Variants in TTC7B observed in about 807,000 individuals in gnomAD.
TTC7B encodes tetratricopeptide repeat protein 7B.
In TTC7B, 28 loss-of-function variants were observed where a neutral mutation model predicts 106.8. The ratio of observed to expected loss-of-function variants is 0.26; its 90% CI spans 0.19 to 0.36. The LOEUF is 0.36. TTC7B is among the 10% of genes least tolerant of loss of function. TTC7B has a pLI of 1.00. For missense variants in TTC7B, 862 were observed against 1,076.4 expected, an observed-to-expected ratio of 0.80 and a Z score of 2.79; for synonymous variants, 405 against 430.6, an observed-to-expected ratio of 0.94 and a Z score of 0.74.
chr14:90,641,973 G>A (rs1284618231), intron 15 of TTC7B, among the ~76,000 whole-genome samples: 2 of 151,890 alleles, frequency 1.3e-5, no homozygotes, highest in Middle Eastern at 3.4e-3. Flanking sequence ...TGGAGGGTGA[G>A]ACACGGAATG....
At chr14:90,674,152 G>A (rs765784355) in intron 9 of TTC7B, among the ~76,000 whole-genome samples, 20 of 152,066 alleles carry the variant, frequency 1.3e-4, no homozygotes, top group Admixed American at 3.3e-4. Context: ...AAAATGGAAA[G>A]GCAGATGAGG....
chr14:90,777,840 C>T (rs553314893), intron 3 of TTC7B, among the ~76,000 whole-genome samples: 1 of 152,352 alleles, frequency 6.6e-6, no homozygotes, highest in East Asian at 1.9e-4. Flanking sequence ...TCTAGTCCCT[C>T]AGGGCCCACC....
intron 15 of TTC7B, among the ~76,000 whole-genome samples, chr14:90,634,493 C>T (rs546052526): frequency 2.6e-5 from 4 of 151,624 alleles, no homozygotes; most frequent in East Asian, 1.9e-4. Flanking sequence ...AGAGGGAGGC[C>T]GGGTGGGGTG....
At chr14:90,584,093 A>G (rs1243627050) in intron 18 of TTC7B, among the ~76,000 whole-genome samples, 1 of 151,708 alleles carries the variant, frequency 6.6e-6, no homozygotes, top group Non-Finnish European at 1.5e-5. Context: ...AAGTGTGCCA[A>G]CCCTCCTGCA....
chr14:90,799,244 C>A (rs941192003), intron 1 of TTC7B, among the ~76,000 whole-genome samples: 1 of 152,204 alleles, frequency 6.6e-6, no homozygotes, highest in Non-Finnish European at 1.5e-5. Flanking sequence ...CTTTAAGACA[C>A]ATTTCAGGTC....
chr14:90,702,186 CCA>C (rs1397188560), intron 5 of TTC7B, among the ~76,000 whole-genome samples: 6 of 152,176 alleles, frequency 3.9e-5, no homozygotes, highest in African/African-American at 1.2e-4. Flanking sequence ...AGTGCCTGTG[CCA>C]CAGTTTCCTT....
intron 18 of TTC7B, among the ~76,000 whole-genome samples, chr14:90,592,723 G>C (rs1281407593): frequency 6.9e-6 from 1 of 145,164 alleles, no homozygotes; most frequent in African/African-American, 2.5e-5. Context: ...AAAAAAAAAA[G>C]CCTGGACACT....
chr14:90,779,631 A>G (rs966955447), intron 3 of TTC7B, among the ~76,000 whole-genome samples: 1 of 152,188 alleles, frequency 6.6e-6, no homozygotes, highest in African/African-American at 2.4e-5. Flanking sequence ...TTTATGCAGC[A>G]TTTAGAATGT....
intron 6 of TTC7B, 75 bp downstream of exon 6, chr14:90,695,425 G>T: frequency 1.4e-6 from 1 of 732,556 alleles, no homozygotes; most frequent in Non-Finnish European, 2.0e-6. Context: ...ATACATAAAT[G>T]TAAAAAAATA....
intron 7 of TTC7B, among the ~76,000 whole-genome samples, chr14:90,689,203 G>A (rs1037403787): frequency 2.0e-5 from 3 of 152,198 alleles, no homozygotes; most frequent in African/African-American, 7.2e-5. Context: ...TTAGATGTTA[G>A]ATGGCTTACA....
chr14:90,676,486 C>G lies in TTC7B; in HGVS notation c.1152+37G>C, dbSNP rs1431139489. ...CCTGGGGTCACCGTGCAACTGCCAC[C>G]CACCACCTGGATGTCAACCAGACTC... On this transcript the variant is annotated intron_variant, in intron 9 of 19. Coordinates refer to ENST00000328459, the MANE Select transcript of TTC7B (RefSeq NM_001010854.2). The G allele has an allele frequency of 5.0e-6, 8 of 1,606,400 alleles. No homozygotes were observed. In the South Asian group the frequency reaches 7.7e-5, roughly 16 times the overall value.
rs1890356938 is a variant in TTC7B, at chr14:90,757,941, G to T, written c.446-13019C>A. Among the ~76,000 whole-genome samples, 1 of 152,112 alleles carries T rather than the reference G, an allele frequency of 6.6e-6. No homozygotes were observed. The highest frequency in any genetic ancestry group is 2.4e-5 in the African/African-American group (1 of 41,426). ...TTCTCTTTGTAAATACCCACGCATT[G>T]AATGTTTAACGTATTAAATGCTGTC... On this transcript the variant is annotated intron_variant, in intron 3 of 19. Coordinates refer to ENST00000328459, the MANE Select transcript of TTC7B (RefSeq NM_001010854.2). This position sits in a 1 kb window ranked among gnomAD's most constrained non-coding sequence, Gnocchi z 4.1.
At chr14:90,561,360 G>A (rs1212389371) in intron 19 of TTC7B, among the ~76,000 whole-genome samples, 4 of 150,796 alleles carry the variant, frequency 2.7e-5, no homozygotes, top group Non-Finnish European at 5.9e-5. Flanking sequence ...GCATGTCCAA[G>A]ATTCCCTTCA....
At chr14:90,625,263 G>A (rs556022131) in intron 15 of TTC7B, among the ~76,000 whole-genome samples, 3 of 152,322 alleles carry the variant, frequency 2.0e-5, no homozygotes, top group Non-Finnish European at 2.9e-5. Context: ...TGAAACCAGA[G>A]AACTCGGCTG....
rs557971549 is a variant in TTC7B at position 90,721,738 on chromosome 14, G to T, written c.698+8337C>A. 2.6e-5 allele frequency among the ~76,000 whole-genome samples: 4 copies of T among 152,258 alleles called. No homozygotes were observed. In the South Asian group the frequency reaches 8.3e-4, roughly 32 times the overall value. ...GGTCCCAGCTCTGCCCTAGTCAGTT[G>T]TGTGACCCTGAAGAAAATCATATTA... is the stretch of plus-strand genomic sequence containing the variant. On this transcript the variant is annotated intron_variant, in intron 5 of 19. Coordinates refer to ENST00000328459, the MANE Select transcript of TTC7B (RefSeq NM_001010854.2).
At chr14:90,595,161 G>GT (rs1361546802) in intron 17 of TTC7B, among the ~76,000 whole-genome samples, 1 of 151,798 alleles carries the variant, frequency 6.6e-6, no homozygotes, top group Non-Finnish European at 1.5e-5. Flanking sequence ...GTGAAACCCT[G>GT]TCTCTACTAA....
At chr14:90,612,293 C>T (rs17224089) in intron 16 of TTC7B, among the ~76,000 whole-genome samples, 7 of 152,204 alleles carry the variant, frequency 4.6e-5, no homozygotes, top group African/African-American at 1.7e-4. Flanking sequence ...TGCAAATTTT[C>T]ACTCATCACA....
chr14:90,531,917 C>T lies in TTC7B; in HGVS notation c.*9451G>A, dbSNP rs1396761218. The T allele has an allele frequency of 6.6e-6, 1 of 152,246 alleles. No homozygotes were observed. Among genetic ancestry groups the T allele is most frequent in the East Asian group, 1.9e-4 (1 of 5,196 alleles). The allele number at this position is 152,246 out of a possible 1,614,324, so 9.4% of individuals were successfully genotyped here. A position where few individuals can be genotyped will look rare whatever the true frequency, so the allele number is the denominator to read the frequency against. ...GCTACATAGGCCAGGCACACTGACT[C>T]ACACCTGTTATCCCAGACCTTTAAG... On this transcript the variant is annotated 3_prime_UTR_variant, in exon 20 of 20. Transcript: ENST00000328459.
At chr14:90,780,641 C>T in intron 3 of TTC7B, 97 bp downstream of exon 3, 2 of 1,408,244 alleles carry the variant, frequency 1.4e-6, no homozygotes, top group Non-Finnish European at 1.9e-6. Flanking sequence ...CTGCCAGGTT[C>T]ATCACCAGCC....
Sources: gnomAD v4.1 joint callset for allele counts (sites outside exome capture counted in the v4.1 genomes callset) on GRCh38, gnomAD v4.1.1 for gene constraint, Gnocchi (gnomAD v3.1) non-coding constraint, MANE v1.5 for transcripts, NCBI Gene and HGNC (gene_info 2026-07-23, HGNC 2026-07-21) for gene names.